Variants in RIOK3 observed in about 807,000 individuals in gnomAD.
RIOK3 encodes serine/threonine-protein kinase RIO3.
Under a neutral mutation model 63.5 loss-of-function variants are expected in RIOK3, and 40 were observed. The ratio of observed to expected loss-of-function variants is 0.63; its 90% CI spans 0.49 to 0.82. RIOK3 has a LOEUF of 0.82. Among genes scored for constraint, RIOK3 ranks in the 40% least tolerant of loss-of-function variants. The probability of loss-of-function intolerance (pLI) is 0.00; values close to 1 mark genes in which losing one functional copy is unlikely to be tolerated. For missense variants in RIOK3, 557 were observed against 637.0 expected (o/e 0.87, Z 1.35); for synonymous variants, 193 against 205.0 (o/e 0.94, Z 0.50).
At chr18:23,464,416 T>C (rs1328311374) in intron 4 of RIOK3, 103 bp downstream of exon 4, 3 of 1,166,132 alleles carry the variant, frequency 2.6e-6, no homozygotes, top group Non-Finnish European at 2.5e-6. Context: ...GAATCTCATT[T>C]GGTAATTTAC....
chr18:23,459,014 C>T (rs910137659), intron 1 of RIOK3, among the ~76,000 whole-genome samples: 36 of 152,152 alleles, frequency 2.4e-4, no homozygotes, highest in Admixed American at 1.8e-3. Flanking sequence ...AGTATAGTCT[C>T]TAGAGTCTAG....
intron 1 of RIOK3, among the ~76,000 whole-genome samples, chr18:23,462,165 G>C (rs1225634105): frequency 7.4e-6 from 1 of 135,786 alleles, no homozygotes; most frequent in Non-Finnish European, 1.6e-5. Flanking sequence ...TTTGGCAGGG[G>C]GTCTCATTCT....
At position 23,467,407 on chromosome 18, in the gene RIOK3, A is replaced by G. The variant is rs765824879; in HGVS notation, c.696A>G (p.Ala232=). The G allele has an allele frequency of 6.2e-7, 1 of 1,612,024 alleles. No homozygotes were observed. The highest frequency in any genetic ancestry group is 8.5e-7 in the Non-Finnish European group (1 of 1,179,138). Residue 232 remains alanine, a synonymous_variant, in exon 7 of 13, where the codon GCA becomes GCG. Coordinates refer to ENST00000339486, the MANE Select transcript of RIOK3 (RefSeq NM_003831.5). ...TGCTTTATCTCTTGCAGGAAAAAGC[A>G]GTTGATCCTAAGACACGTTTACTTA... ...EKKEHSTAEK[A]VDPKTRLLMY...
At chr18:23,454,657 C>T (rs1032545891) in intron 1 of RIOK3, among the ~76,000 whole-genome samples, 7 of 152,308 alleles carry the variant, frequency 4.6e-5, no homozygotes, top group African/African-American at 1.7e-4. Flanking sequence ...ATTCAGAATA[C>T]ATCCTAATCT....
At chr18:23,468,438 G>T (rs1437606214) in intron 7 of RIOK3, among the ~76,000 whole-genome samples, 1 of 151,560 alleles carries the variant, frequency 6.6e-6, no homozygotes, top group African/African-American at 2.4e-5. Context: ...AAGTAGCTGG[G>T]ATTACAGGCA....
intron 1 of RIOK3, among the ~76,000 whole-genome samples, chr18:23,461,743 G>A (rs1568380729): frequency 6.6e-6 from 1 of 152,062 alleles, no homozygotes; most frequent in Non-Finnish European, 1.5e-5. Context: ...GAATATTACT[G>A]TGTGTATTGG....
chr18:23,471,710 G>A (rs1036691011), intron 7 of RIOK3, among the ~76,000 whole-genome samples: 15 of 152,142 alleles, frequency 9.9e-5, no homozygotes, highest in African/African-American at 2.2e-4. Flanking sequence ...AACAGCACAC[G>A]CTGTTGGATT....
At chr18:23,475,191 C>G (rs2057481533) in intron 9 of RIOK3, 84 bp downstream of exon 9, 5 of 1,107,256 alleles carry the variant, frequency 4.5e-6, no homozygotes, top group Non-Finnish European at 6.5e-6. Context: ...TTAAAGAAGC[C>G]AGGCATGTTG....
chr18:23,479,413 T>G lies in RIOK3; in HGVS notation c.1441T>G (p.Phe481Val). Residue 481 changes from phenylalanine to valine, a missense_variant, in exon 12 of 13, where the codon TTT becomes GTT. Physicochemically the swap from Phe to Val is conservative, Grantham distance 50 (BLOSUM62 -1). This residue lies in a region of RIOK3 where 309 missense variants were observed against 338.7 expected (regional missense o/e 0.91). Coordinates refer to ENST00000339486, the MANE Select transcript of RIOK3 (RefSeq NM_003831.5). ...LNITADNEAD[F>V]LAEIEALEKM... ...CATCACAGCAGATAATGAAGCTGAT[T>G]TTTTAGCTGAGGTATGTGATAAACA... 6.2e-7 allele frequency: 1 copy of G among 1,610,428 alleles called. No individual in the cohort carries two copies. The highest frequency in any genetic ancestry group is 8.5e-7 in the Non-Finnish European group (1 of 1,176,712).
intron 1 of RIOK3, among the ~76,000 whole-genome samples, chr18:23,457,549 A>G (rs143662430): frequency 6.6e-5 from 10 of 152,346 alleles, no homozygotes; most frequent in African/African-American, 2.4e-4. Flanking sequence ...GTGAATTGTG[A>G]CAAACGTATA....
intron 2 of RIOK3, 76 bp from the exon 3 acceptor site, chr18:23,463,891 C>A: frequency 8.0e-7 from 1 of 1,245,026 alleles, no homozygotes; most frequent in Non-Finnish European, 1.1e-6. Context: ...GGAAAAGGCA[C>A]CTCCTACTCT....
At chr18:23,470,510 A>T (rs1295391298) in intron 7 of RIOK3, among the ~76,000 whole-genome samples, 1 of 152,246 alleles carries the variant, frequency 6.6e-6, no homozygotes, top group Non-Finnish European at 1.5e-5. Context: ...TTATCTTTTA[A>T]AAGAGACTAG....
chr18:23,463,994 A>T lies in RIOK3; in HGVS notation c.207A>T (p.Gly69=), dbSNP rs532897408. ...VAVAEGPFIT[G]ENIDTSSDLM... is the part of the protein sequence containing the mutation. ...TTGCTGAAGGACCATTTATTACTGG[A>T]GAAAACATTGATACTTCCAGTGACC... Residue 69 remains glycine (G), a synonymous_variant, in exon 3 of 13, where the codon GGA becomes GGT. Coordinates refer to ENST00000339486, the MANE Select transcript of RIOK3 (RefSeq NM_003831.5). The T allele has an allele frequency of 5.6e-6, 9 of 1,610,800 alleles. No individual in the cohort carries two copies. In the South Asian group the frequency reaches 8.8e-5, roughly 16 times the overall value.
At chr18:23,463,858 T>C (rs543987759) in intron 2 of RIOK3, 109 bp from the exon 3 acceptor site, 1 of 913,292 alleles carries the variant, frequency 1.1e-6, no homozygotes, top group South Asian at 1.7e-5. Flanking sequence ...ATAGAGTTCT[T>C]TCCCATTGTT....
At chr18:23,479,259 A>G (rs761385403) in intron 11 of RIOK3, 58 bp from the exon 12 acceptor site, 2 of 1,074,874 alleles carry the variant, frequency 1.9e-6, no homozygotes, top group Admixed American at 1.7e-5. Flanking sequence ...CCCTGTTTTT[A>G]GTTTATAAGA....
chr18:23,476,690 C>T (rs1399371042), intron 9 of RIOK3, among the ~76,000 whole-genome samples: 2 of 151,966 alleles, frequency 1.3e-5, no homozygotes, highest in South Asian at 4.1e-4. Flanking sequence ...GGGCAGGTCA[C>T]GAGGTCAGGA....
In RIOK3 at chr18:23,466,285, T is replaced by G. The variant is rs753429213; in HGVS notation, c.687+9T>G. On this transcript the variant is annotated intron_variant, in intron 6 of 12. Transcript: ENST00000339486. ...AGGAGCATTCTACAGCAGTAAGGATTTATAGATTTTTTTTTTTCTTTTTTA... is the reference window on the plus strand; with the variant it reads ...AGGAGCATTCTACAGCAGTAAGGATGTATAGATTTTTTTTTTTCTTTTTTA... 2.6e-6 allele frequency: 4 copies of G among 1,541,966 alleles called. No homozygotes were observed. The highest frequency in any genetic ancestry group is 3.5e-6 in the Non-Finnish European group (4 of 1,154,838).
Position 23,467,440 on chromosome 18 carries a change from A to G in RIOK3, c.729A>G (p.Lys243=). The G allele has an allele frequency of 2.5e-6, 4 of 1,613,422 alleles. No homozygotes were observed. The highest frequency in any genetic ancestry group is 3.4e-6 in the Non-Finnish European group (4 of 1,179,484). The change falls in exon 7 of 13, where the codon AAA becomes AAG. Residue 243 remains lysine, a synonymous_variant. Coordinates refer to ENST00000339486, the MANE Select transcript of RIOK3 (RefSeq NM_003831.5). ...VDPKTRLLMY[K]MVNSGMLETI... The stretch of plus-strand genomic sequence containing the variant: ...CTAAGACACGTTTACTTATGTATAA[A>G]ATGGTCAACTCTGGAATGTTGGAGA...
At chr18:23,478,415 T>C (rs976231383) in intron 11 of RIOK3, among the ~76,000 whole-genome samples, 1 of 151,824 alleles carries the variant, frequency 6.6e-6, no homozygotes, top group African/African-American at 2.4e-5. Flanking sequence ...CAAAAAAATT[T>C]AAAAAGTAGC....
Sources: gnomAD v4.1 joint callset for allele counts (sites outside exome capture counted in the v4.1 genomes callset) on GRCh38, gnomAD v4.1.1 for gene constraint, gnomAD v4.1.1 regional missense constraint, MANE v1.5 for transcripts, NCBI Gene and HGNC (gene_info 2026-07-23, HGNC 2026-07-21) for gene names.